RMDN2: variants seen among roughly 807,000 people sequenced by gnomAD.
RMDN2 encodes regulator of microtubule dynamics protein 2.
Under a neutral mutation model 52.8 loss-of-function variants are expected in RMDN2, and 61 were observed. The ratio of observed to expected loss-of-function variants is 1.16; its 90% confidence interval spans 0.94 to 1.43. RMDN2 has a LOEUF of 1.43. RMDN2 is among the 40% of genes most tolerant of loss of function. The pLI, the probability that RMDN2 is intolerant of heterozygous loss-of-function variation, is 0.00. For missense variants in RMDN2, 592 were observed against 475.3 expected (o/e 1.25, Z -2.28); for synonymous variants, 180 against 153.1 (o/e 1.18, Z -1.30).
chr2:37,922,237 T>C (rs1259292441), upstream of RMDN2, among the ~76,000 whole-genome samples: 1 of 152,204 alleles, frequency 6.6e-6, no homozygotes, highest in African/African-American at 2.4e-5. Context: ...TAATTATACC[T>C]GCAGCTCAGC....
At chr2:38,066,795 C>T in intron 10 of RMDN2, 1 of 566,390 alleles carries the variant, frequency 1.8e-6, no homozygotes, top group Non-Finnish European at 3.2e-6. Flanking sequence ...GAAAATATTT[C>T]CTTCACTTAT....
intron 10 of RMDN2, among the ~76,000 whole-genome samples, chr2:38,013,653 T>G (rs989246892): frequency 2.0e-5 from 3 of 152,248 alleles, no homozygotes; most frequent in African/African-American, 7.2e-5. Context: ...TAAGATATCA[T>G]ATTTGATTAT....
intron 2 of RMDN2, among the ~76,000 whole-genome samples, chr2:37,968,101 T>G (rs1260957180): frequency 3.3e-5 from 5 of 152,218 alleles, no homozygotes; most frequent in Admixed American, 1.3e-4. Flanking sequence ...GGTAGTTTCT[T>G]GGTCTCCCAC....
chr2:37,984,679 T>G (rs989066125), intron 5 of RMDN2, among the ~76,000 whole-genome samples: 44 of 152,188 alleles, frequency 2.9e-4, no homozygotes, highest in African/African-American at 1.1e-3. Flanking sequence ...TTAGTAGTTG[T>G]TGAAACAGTA....
In RMDN2 at chr2:37,930,182, C is replaced by G. The variant is rs112159294; in HGVS notation, c.452+453C>G. ...AAATGTGGCTAATGCAACTGAGGAA[C>G]TGAATTTTCCTTTTATGTCATTGAA... On this transcript the variant is annotated intron_variant, in intron 2 of 10. Coordinates refer to ENST00000354545, the MANE Select transcript of RMDN2 (RefSeq NM_001170791.3). Among the ~76,000 whole-genome samples, 313 of 152,298 alleles carry G rather than the reference C, an allele frequency of 2.1e-3. 2 individuals are homozygous for G. The highest frequency in any genetic ancestry group is 7.1e-3 in the African/African-American group (295 of 41,554).
In RMDN2 at chr2:37,974,220, A is replaced by C. The variant is rs1312130825; in HGVS notation, c.627+6A>C. The C allele has an allele frequency of 1.2e-6, 2 of 1,604,020 alleles. No individual in the cohort carries two copies. The highest frequency in any genetic ancestry group is 1.7e-6 in the Non-Finnish European group (2 of 1,174,010). Reference sequence around the variant, plus strand: ...TTCGTGACCACAAAGAAAAGGTAAGAGACATAACAATAGCACTTCGTATAG... The same window carrying C: ...TTCGTGACCACAAAGAAAAGGTAAGCGACATAACAATAGCACTTCGTATAG... On this transcript the variant is annotated splice_donor_region_variant and intron_variant, in intron 3 of 10. Transcript: ENST00000354545.
intron 10 of RMDN2, among the ~76,000 whole-genome samples, chr2:38,014,437 C>T (rs1157425758): frequency 6.6e-6 from 1 of 152,130 alleles, no homozygotes; most frequent in Non-Finnish European, 1.5e-5. Flanking sequence ...ATCTTAAAAA[C>T]ACTCTAAAGA....
chr2:37,932,683 G>A (rs1432099528), intron 2 of RMDN2, among the ~76,000 whole-genome samples: 2 of 143,912 alleles, frequency 1.4e-5, no homozygotes, highest in African/African-American at 5.2e-5. Flanking sequence ...TGGCCGGGCG[G>A]GGGGCTGACC....
chr2:37,975,348 A>G (rs757570414), intron 4 of RMDN2, 34 bp downstream of exon 4: 3 of 1,221,400 alleles, frequency 2.5e-6, no homozygotes, highest in Admixed American at 1.7e-5. Context: ...CTCAAGTAGC[A>G]ATTAAGATCT....
At chr2:37,970,668 A>G (rs1295588857) in intron 2 of RMDN2, among the ~76,000 whole-genome samples, 1 of 152,202 alleles carries the variant, frequency 6.6e-6, no homozygotes, top group Non-Finnish European at 1.5e-5. Context: ...TGGGAGAGAC[A>G]GAATTAGAGC....
chr2:38,016,556 A>G (rs1332012983), intron 10 of RMDN2, among the ~76,000 whole-genome samples: 1 of 152,202 alleles, frequency 6.6e-6, no homozygotes. Context: ...CCTTCATTTA[A>G]TGATCTCACC....
At chr2:38,062,318 G>A (rs540224599) in intron 10 of RMDN2, among the ~76,000 whole-genome samples, 13 of 152,296 alleles carry the variant, frequency 8.5e-5, no homozygotes, top group Non-Finnish European at 1.3e-4. Context: ...ATGGAATTGT[G>A]CAGTGTGTAA....
chr2:38,006,061 T>C (rs1677036541), intron 10 of RMDN2, among the ~76,000 whole-genome samples: 1 of 152,232 alleles, frequency 6.6e-6, no homozygotes, highest in Admixed American at 6.5e-5. Context: ...CATTGGTCTA[T>C]ATCTCTGTTT....
intron 2 of RMDN2, among the ~76,000 whole-genome samples, chr2:37,932,227 G>A (rs993109989): frequency 1.3e-5 from 2 of 149,506 alleles, no homozygotes; most frequent in African/African-American, 2.4e-5. Context: ...CAGTGTTTGT[G>A]TCCCTGGGTA....
Position 37,975,286 on chromosome 2 carries a change from A to C in RMDN2, c.702A>C (p.Thr234=), listed in dbSNP as rs1440127671. ...ACATGTATGAACTATCTACAAACAC[A>C]CAAGAAAAGAAACATTATGCTAATA... ...YGDMYELSTN[T]QEKKHYANIG... Residue 234 remains threonine, a synonymous_variant, in exon 4 of 11, where the codon ACA becomes ACC. Transcript: ENST00000354545. 6.2e-7 allele frequency: 1 copy of C among 1,603,440 alleles called. No homozygotes were observed. Among genetic ancestry groups the C allele is most frequent in the South Asian group, 1.1e-5 (1 of 90,638 alleles).
At chr2:38,064,818 G>C (rs1288001194) in intron 10 of RMDN2, among the ~76,000 whole-genome samples, 1 of 152,116 alleles carries the variant, frequency 6.6e-6, no homozygotes, top group Non-Finnish European at 1.5e-5. Context: ...CTCCCAAGAG[G>C]ATATATTTCA....
At chr2:37,952,405 G>A (rs1413370916) in intron 2 of RMDN2, 2 of 514,836 alleles carry the variant, frequency 3.9e-6, no homozygotes, top group Non-Finnish European at 6.7e-6. Flanking sequence ...ATTGGAGTAT[G>A]GAAGTCAAAG....
chr2:38,009,795 A>G (rs1022610761), intron 10 of RMDN2, among the ~76,000 whole-genome samples: 1 of 152,056 alleles, frequency 6.6e-6, no homozygotes, highest in Non-Finnish European at 1.5e-5. Context: ...TCTGATTTTT[A>G]GAGTTTCCAG....
At chr2:37,952,940 A>G (rs1669026090) in intron 2 of RMDN2, 1 of 151,966 alleles carries the variant, frequency 6.6e-6, no homozygotes, top group Non-Finnish European at 1.5e-5. Flanking sequence ...GTATTAACAA[A>G]GACTGTTATA....
Sources: allele counts gnomAD v4.1 joint callset (sites outside exome capture counted in the v4.1 genomes callset), GRCh38; gene constraint gnomAD v4.1.1; transcripts MANE v1.5; gene names NCBI Gene and HGNC (gene_info 2026-07-23, HGNC 2026-07-21).